FOXN2: variants seen among roughly 807,000 people sequenced by gnomAD.
FOXN2 encodes forkhead box N2.
FOXN2 carries 19 observed loss-of-function variants against 41.2 expected under a neutral mutation model. That is an observed-to-expected ratio of 0.46 (90% CI 0.32 to 0.68). The LOEUF (loss-of-function observed/expected upper bound fraction) is 0.68. Among genes scored for constraint, FOXN2 ranks in the 30% least tolerant of loss-of-function variants. FOXN2 has a pLI of 0.03. For synonymous variants in FOXN2, 195 were observed against 176.8 expected, an observed-to-expected ratio of 1.10 and a Z score of -0.82; for missense variants, 587 against 509.4, an observed-to-expected ratio of 1.15 and a Z score of -1.47.
intron 6 of FOXN2, 54 bp from the exon 7 acceptor site, chr2:48,374,866 T>G (rs967115806): frequency 6.7e-7 from 1 of 1,484,198 alleles, no homozygotes; most frequent in Non-Finnish European, 9.1e-7. Context: ...AAAATTGGTC[T>G]GTTTTTGCAA....
intron 3 of FOXN2, among the ~76,000 whole-genome samples, chr2:48,351,670 C>T (rs1298959101): frequency 6.6e-6 from 1 of 152,078 alleles, no homozygotes; most frequent in African/African-American, 2.4e-5. Context: ...GTTTGAGCTC[C>T]TGTGAGAATC....
chr2:48,329,545 T>C (rs1218569720), intron 2 of FOXN2, among the ~76,000 whole-genome samples: 1 of 152,096 alleles, frequency 6.6e-6, no homozygotes, highest in African/African-American at 2.4e-5. Context: ...CTGCACACAT[T>C]TTTTGTTTAG....
chr2:48,316,390 A>G (rs867743669), intron 1 of FOXN2, among the ~76,000 whole-genome samples: 1 of 152,188 alleles, frequency 6.6e-6, no homozygotes, highest in Admixed American at 6.5e-5. Context: ...TTAATGAGAG[A>G]TTCTAATGCA....
At chr2:48,360,790 G>T (rs1285035800) in intron 4 of FOXN2, among the ~76,000 whole-genome samples, 335 of 136,626 alleles carry the variant, frequency 2.5e-3, no homozygotes, top group African/African-American at 5.1e-3. Flanking sequence ...GCTGTGTTGG[G>T]TTTTTTTTTT....
Position 48,378,363 on chromosome 2 carries a change from A to G in FOXN2, c.*2920A>G, listed in dbSNP as rs888732659. On this transcript the variant is annotated 3_prime_UTR_variant, in exon 7 of 7. Coordinates refer to ENST00000340553, the MANE Select transcript of FOXN2 (RefSeq NM_002158.4). ...TCTTTTAACTTGGATTCCTTTGTATATAGTAAAGTTTAGTATATATATATT... is the reference window on the plus strand; with the variant it reads ...TCTTTTAACTTGGATTCCTTTGTATGTAGTAAAGTTTAGTATATATATATT... 3 of 151,712 alleles carry G rather than the reference A, an allele frequency of 2.0e-5. No homozygotes were observed. Among genetic ancestry groups the G allele is most frequent in the Non-Finnish European group, 4.4e-5 (3 of 67,854 alleles). 9.4% of individuals were successfully genotyped at this position (151,712 alleles called of 1,614,324 possible). A position where few individuals can be genotyped will look rare whatever the true frequency, so the allele number is the denominator to read the frequency against.
At chr2:48,327,888 T>A (rs1035020902) in intron 1 of FOXN2, among the ~76,000 whole-genome samples, 3 of 152,342 alleles carry the variant, frequency 2.0e-5, no homozygotes, top group South Asian at 4.1e-4. Context: ...GTTTTTAGAA[T>A]TACATATAAA....
At chr2:48,368,893 TCA>T (rs1359468249) in intron 5 of FOXN2, among the ~76,000 whole-genome samples, 1 of 152,218 alleles carries the variant, frequency 6.6e-6, no homozygotes, top group Admixed American at 6.5e-5. Flanking sequence ...AAACTTTTTT[TCA>T]CAGTTAATTG....
chr2:48,345,409 T>G (rs1381798830), intron 2 of FOXN2, among the ~76,000 whole-genome samples: 1 of 151,814 alleles, frequency 6.6e-6, no homozygotes, highest in Non-Finnish European at 1.5e-5. Flanking sequence ...ACAAGAGGAG[T>G]AAGTTCTAGT....
In FOXN2 at chr2:48,378,307, AG is replaced by A. The variant is rs1673370843; in HGVS notation, c.*2865del. The A allele has an allele frequency of 6.6e-6, 1 of 152,294 alleles. No individual in the cohort carries two copies. The highest frequency in any genetic ancestry group is 1.9e-4 in the East Asian group (1 of 5,204). 9.4% of individuals were successfully genotyped at this position (152,294 alleles called of 1,614,324 possible). A position where few individuals can be genotyped will look rare whatever the true frequency, so the allele number is the denominator to read the frequency against. On this transcript the variant is annotated 3_prime_UTR_variant, in exon 7 of 7. Coordinates refer to ENST00000340553, the MANE Select transcript of FOXN2 (RefSeq NM_002158.4). ...GATCACCTCCCTTTTTCCACCTTCAAGCCTTTCCTGTCCTCATAGCCAGCAT... is the reference window on the plus strand; with the variant it reads ...GATCACCTCCCTTTTTCCACCTTCAACCTTTCCTGTCCTCATAGCCAGCAT...
chr2:48,374,005 TGAGCACTGCAGTGAGCTGGA>T (rs1673074658), intron 6 of FOXN2, among the ~76,000 whole-genome samples: 1 of 148,910 alleles, frequency 6.7e-6, no homozygotes, highest in Admixed American at 6.7e-5. Context: ...CAGTGAGCCA[TGAGCACTGCAGTGAGCTGGA>T]GAGCACTGCA....
intron 5 of FOXN2, among the ~76,000 whole-genome samples, chr2:48,372,922 C>CAA (rs372780873): frequency 0.025 from 2,664 of 107,514 alleles, 76 homozygotes; most frequent in African/African-American, 0.083. Flanking sequence ...AGTAAAAATG[C>CAA]AAAAAAAAAA....
intron 2 of FOXN2, among the ~76,000 whole-genome samples, chr2:48,338,440 C>T (rs1670510153): frequency 6.6e-6 from 1 of 150,696 alleles, no homozygotes; most frequent in South Asian, 2.1e-4. Context: ...CTTGCTCTGT[C>T]GCCCAGGCTG....
chr2:48,351,558 T>TA (rs998601032), intron 3 of FOXN2, among the ~76,000 whole-genome samples: 1 of 152,126 alleles, frequency 6.6e-6, no homozygotes, highest in Non-Finnish European at 1.5e-5. Context: ...GGACATGGGA[T>TA]ATGGTTTTGG....
chr2:48,364,589 A>G (rs937625747), intron 5 of FOXN2, among the ~76,000 whole-genome samples: 1 of 152,154 alleles, frequency 6.6e-6, no homozygotes, highest in Non-Finnish European at 1.5e-5. Flanking sequence ...TTTCATTGAA[A>G]ATAGGATTGA....
At chr2:48,319,785 A>ATTTTTTT (rs545797179) in intron 1 of FOXN2, among the ~76,000 whole-genome samples, 1 of 98,778 alleles carries the variant, frequency 1.0e-5, no homozygotes, top group African/African-American at 4.0e-5. Flanking sequence ...TAATTTTTTA[A>ATTTTTTT]TTTTTTTTTT....
At chr2:48,320,542 G>T (rs755558810) in intron 1 of FOXN2, among the ~76,000 whole-genome samples, 2 of 151,988 alleles carry the variant, frequency 1.3e-5, no homozygotes, top group Admixed American at 1.3e-4. Context: ...TGCCCACCTC[G>T]GCCTCCCAAA....
At chr2:48,372,599 A>G (rs1438751026) in intron 5 of FOXN2, among the ~76,000 whole-genome samples, 1 of 152,184 alleles carries the variant, frequency 6.6e-6, no homozygotes, top group African/African-American at 2.4e-5. Flanking sequence ...AGCAGTAAAT[A>G]TAAGTAGGTA....
chr2:48,322,469 T>TA (rs1309616521), intron 1 of FOXN2, among the ~76,000 whole-genome samples: 1 of 152,186 alleles, frequency 6.6e-6, no homozygotes, highest in Non-Finnish European at 1.5e-5. Context: ...TATGTGTCCC[T>TA]AGATGCTATA....
intron 3 of FOXN2, among the ~76,000 whole-genome samples, chr2:48,349,040 CA>C (rs1452847590): frequency 1.3e-5 from 2 of 152,226 alleles, no homozygotes; most frequent in Admixed American, 6.5e-5. Flanking sequence ...CCCCCAGGAG[CA>C]GACAGTCTCT....
Sources: allele counts gnomAD v4.1 joint callset (sites outside exome capture counted in the v4.1 genomes callset), GRCh38; gene constraint gnomAD v4.1.1; transcripts MANE v1.5; gene names NCBI Gene and HGNC (gene_info 2026-07-23, HGNC 2026-07-21).